The following PTDSS2 variants were observed in gnomAD, a reference collection of about 807,000 sequenced individuals.
The protein encoded by PTDSS2 is PSS-2.
PTDSS2 carries 41 observed loss-of-function variants against 64.7 expected under a neutral mutation model. The observed-to-expected ratio is 0.63, with a 90% CI of 0.49 to 0.82. The LOEUF is 0.82. PTDSS2 is among the 40% of genes least tolerant of loss of function. PTDSS2 has a pLI of 0.00. For missense variants in PTDSS2, 485 were observed against 650.0 expected, an observed-to-expected ratio of 0.75 and a Z score of 2.76; for synonymous variants, 297 against 277.8, an observed-to-expected ratio of 1.07 and a Z score of -0.69.
At chr11:465,901 C>T (rs1158265535) in intron 2 of PTDSS2, among the ~76,000 whole-genome samples, 1 of 152,054 alleles carries the variant, frequency 6.6e-6, no homozygotes, top group Non-Finnish European at 1.5e-5. Flanking sequence ...ATGGTAGCAC[C>T]ACTGCACTCC....
intron 1 of PTDSS2, chr11:451,359 C>T (rs892906092): frequency 1.1e-5 from 5 of 444,396 alleles, no homozygotes; most frequent in South Asian, 4.7e-5. Context: ...CAGACAGGCT[C>T]CAGGTGCCGC....
intron 11 of PTDSS2, 65 bp from the exon 12 acceptor site, chr11:490,355 T>C: frequency 6.2e-7 from 1 of 1,603,076 alleles, no homozygotes. Context: ...AGGTGCCAGC[T>C]GTCCATGGGG....
chr11:467,543 G>A (rs903144266), intron 2 of PTDSS2, among the ~76,000 whole-genome samples: 1 of 150,698 alleles, frequency 6.6e-6, no homozygotes, highest in Non-Finnish European at 1.5e-5. Flanking sequence ...GGATCACGAG[G>A]TCAGGAGATC....
chr11:450,290 C>T lies in PTDSS2; in HGVS notation c.-166C>T. ...GGACTACAAGCCCCACAATGCACCG[C>T]ACACCCTTTACTGGCCGGCCCCGCG... On this transcript the variant is annotated 5_prime_UTR_variant, in exon 1 of 12. Transcript: ENST00000308020. 1 of 472,638 alleles carries T rather than the reference C, an allele frequency of 2.1e-6. No individual in the cohort carries two copies. The highest frequency in any genetic ancestry group is 3.8e-5 in the East Asian group (1 of 26,168). 29.3% of individuals were successfully genotyped at this position (472,638 alleles called of 1,614,324 possible). A position where few individuals can be genotyped will look rare whatever the true frequency, so the allele number is the denominator to read the frequency against.
intron 1 of PTDSS2, among the ~76,000 whole-genome samples, chr11:457,315 T>C (rs1309351367): frequency 6.6e-6 from 1 of 152,274 alleles, no homozygotes; most frequent in Non-Finnish European, 1.5e-5. Context: ...GGAAGGCCCG[T>C]GTCTCCGCTC....
intron 2 of PTDSS2, among the ~76,000 whole-genome samples, chr11:469,024 A>C (rs1177034677): frequency 3.5e-5 from 4 of 112,926 alleles, no homozygotes; most frequent in Admixed American, 8.8e-5. Context: ...TCTCTGGGTA[A>C]TCGGAAGGAG....
At chr11:489,773 G>A in intron 10 of PTDSS2, 40 bp downstream of exon 10, 4 of 1,589,466 alleles carry the variant, frequency 2.5e-6, no homozygotes, top group Non-Finnish European at 3.4e-6. Flanking sequence ...ACCCCCGGGG[G>A]GCAGGGGCCG....
chr11:455,837 T>C (rs1047424044), intron 1 of PTDSS2, among the ~76,000 whole-genome samples: 2 of 152,192 alleles, frequency 1.3e-5, no homozygotes, highest in Non-Finnish European at 2.9e-5. Flanking sequence ...TTAGCTCTCC[T>C]GTATTGGTCT....
intron 6 of PTDSS2, among the ~76,000 whole-genome samples, chr11:487,740 A>G (rs938524330): frequency 2.0e-5 from 3 of 152,222 alleles, no homozygotes; most frequent in Admixed American, 1.3e-4. Context: ...GGGCTTGGGC[A>G]CTGCCCCATC....
Position 490,535 on chromosome 11 carries a change from C to T in PTDSS2, c.1417C>T (p.Leu473=). The stretch of plus-strand genomic sequence containing the variant: ...CCCACTGGGGCTGGACGAAGACCTG[C>T]TGGGGCCTGGGGTGGCCGAGGGCGA... ...QHPLGLDEDL[L]GPGVAEGEGA... The change falls in exon 12 of 12, where the codon CTG becomes TTG. Residue 473 remains leucine (L), a synonymous_variant. Coordinates refer to ENST00000308020, the MANE Select transcript of PTDSS2 (RefSeq NM_030783.3). 6.2e-7 allele frequency: 1 copy of T among 1,612,044 alleles called. No homozygotes were observed. The highest frequency in any genetic ancestry group is 8.5e-7 in the Non-Finnish European group (1 of 1,179,464).
At chr11:464,697 G>A (rs1312797684) in intron 2 of PTDSS2, among the ~76,000 whole-genome samples, 1 of 152,258 alleles carries the variant, frequency 6.6e-6, no homozygotes, top group East Asian at 1.9e-4. Context: ...TCACTGATCT[G>A]CCTGTATGGG....
chr11:459,599 C>T (rs1318421856), intron 1 of PTDSS2: 1 of 152,994 alleles, frequency 6.5e-6, no homozygotes, highest in East Asian at 1.9e-4. Context: ...TGGGCTTTTC[C>T]ACCAGCGATG....
intron 1 of PTDSS2, among the ~76,000 whole-genome samples, chr11:455,650 C>G (rs1020037969): frequency 6.6e-6 from 1 of 152,214 alleles, no homozygotes; most frequent in Admixed American, 6.5e-5. Context: ...AGGCTGAGCC[C>G]GAGAGTGCTT....
chr11:482,900 G>T (rs564798440), intron 4 of PTDSS2, among the ~76,000 whole-genome samples: 1 of 136,334 alleles, frequency 7.3e-6, no homozygotes, highest in African/African-American at 3.0e-5. Flanking sequence ...AAAGTTCTGT[G>T]AGTTTTTCGT....
chr11:482,449 C>T (rs1848116091), intron 4 of PTDSS2, among the ~76,000 whole-genome samples: 1 of 152,092 alleles, frequency 6.6e-6, no homozygotes, highest in Admixed American at 6.6e-5. Flanking sequence ...CTCAGAACTC[C>T]TGGTCTCAAG....
chr11:485,154 G>A (rs1848272570), intron 4 of PTDSS2, among the ~76,000 whole-genome samples: 1 of 131,668 alleles, frequency 7.6e-6, no homozygotes, highest in South Asian at 2.5e-4. Flanking sequence ...GAGTGTAAGT[G>A]CACGGGCGTG....
At chr11:474,990 CGG>C (rs1847672592) in intron 3 of PTDSS2, among the ~76,000 whole-genome samples, 1 of 93,276 alleles carries the variant, frequency 1.1e-5, no homozygotes, top group African/African-American at 4.8e-5. Flanking sequence ...GTTTGTGATA[CGG>C]ACATATTCAC....
intron 4 of PTDSS2, among the ~76,000 whole-genome samples, chr11:482,766 A>G (rs940222017): frequency 3.4e-4 from 46 of 133,688 alleles, no homozygotes; most frequent in South Asian, 1.3e-3. Flanking sequence ...GAGTGCAGAA[A>G]GTTCTGTGAG....
intron 1 of PTDSS2, among the ~76,000 whole-genome samples, chr11:453,664 T>G (rs551640573): frequency 6.6e-6 from 1 of 152,358 alleles, no homozygotes; most frequent in Admixed American, 6.5e-5. Flanking sequence ...CTGGTCTTGC[T>G]GGTCAGAGCC....
Sources: allele counts gnomAD v4.1 joint callset (sites outside exome capture counted in the v4.1 genomes callset), GRCh38; gene constraint gnomAD v4.1.1; transcripts MANE v1.5; gene names NCBI Gene and HGNC (gene_info 2026-07-23, HGNC 2026-07-21).